Variants in ST6GALNAC3 observed in about 807,000 individuals in gnomAD.
The protein encoded by ST6GALNAC3 is ST6 N-acetylgalactosaminide alpha-2,6-sialyltransferase 3, also known as alpha-N-acetylgalactosaminide alpha-2,6-sialyltransferase 3.
ST6GALNAC3 carries 25 observed loss-of-function variants against 32.7 expected under a neutral mutation model. That is an observed-to-expected ratio of 0.76 (90% CI 0.56 to 1.07). ST6GALNAC3 has a LOEUF of 1.07. Among genes scored for constraint, ST6GALNAC3 ranks in the 50% least tolerant of loss-of-function variants. The probability of loss-of-function intolerance (pLI) is 0.00; values close to 1 mark genes in which losing one functional copy is unlikely to be tolerated. For synonymous variants in ST6GALNAC3, 129 were observed against 133.1 expected (o/e 0.97, Z 0.21); for missense variants, 355 against 382.4 (o/e 0.93, Z 0.60).
At chr1:76,381,182 A>G (rs1276282844) in intron 2 of ST6GALNAC3, among the ~76,000 whole-genome samples, 5 of 133,108 alleles carry the variant, frequency 3.8e-5, no homozygotes, top group South Asian at 2.3e-4. Context: ...AAAAAAAAAA[A>G]AAAAGAAAAA....
At chr1:76,484,580 G>A (rs550382557) in intron 3 of ST6GALNAC3, among the ~76,000 whole-genome samples, 1 of 152,320 alleles carries the variant, frequency 6.6e-6, no homozygotes, top group East Asian at 1.9e-4. Context: ...TTTGTATCCT[G>A]AGACTTTGCT....
At chr1:76,617,825 G>T (rs619283) in intron 3 of ST6GALNAC3, among the ~76,000 whole-genome samples, 129,895 of 152,140 alleles carry the variant, frequency 0.85, 56,490 homozygotes, top group East Asian at 1. Context: ...TATAAACTAA[G>T]CACTGAAAGA....
intron 1 of ST6GALNAC3, among the ~76,000 whole-genome samples, chr1:76,080,199 A>G (rs1179084349): frequency 6.6e-6 from 1 of 152,202 alleles, no homozygotes; most frequent in Non-Finnish European, 1.5e-5. Context: ...AAAGGCAGAA[A>G]AGGCTTTGTT....
intron 1 of ST6GALNAC3, among the ~76,000 whole-genome samples, chr1:76,225,329 A>T (rs1656004365): frequency 6.6e-6 from 1 of 152,216 alleles, no homozygotes; most frequent in African/African-American, 2.4e-5. Context: ...GAAACCTGTG[A>T]CTTTAGCTTA....
intron 2 of ST6GALNAC3, among the ~76,000 whole-genome samples, chr1:76,381,047 T>G (rs1651664162): frequency 6.6e-6 from 1 of 152,006 alleles, no homozygotes; most frequent in African/African-American, 2.4e-5. Context: ...TACCATCTGT[T>G]TATCTATCTA....
chr1:76,259,731 A>T (rs929952641), intron 1 of ST6GALNAC3, among the ~76,000 whole-genome samples: 19 of 152,162 alleles, frequency 1.2e-4, no homozygotes, highest in African/African-American at 4.3e-4. Flanking sequence ...TGCTGAGTAC[A>T]CATACTCTGA....
chr1:76,288,791 G>T (rs1191335450), intron 1 of ST6GALNAC3, among the ~76,000 whole-genome samples: 1 of 152,170 alleles, frequency 6.6e-6, no homozygotes, highest in Non-Finnish European at 1.5e-5. Context: ...CACAGGTGAT[G>T]GTCAGAGTCA....
chr1:76,259,436 C>T (rs1221920661), intron 1 of ST6GALNAC3, among the ~76,000 whole-genome samples: 1 of 152,130 alleles, frequency 6.6e-6, no homozygotes, highest in Non-Finnish European at 1.5e-5. Flanking sequence ...ATATCTATCA[C>T]ATGCAGTGTT....
intron 1 of ST6GALNAC3, among the ~76,000 whole-genome samples, chr1:76,117,895 A>G (rs1223217880): frequency 1.3e-5 from 2 of 152,210 alleles, no homozygotes; most frequent in East Asian, 1.9e-4. Flanking sequence ...TTTCCTGTTG[A>G]TAAAATGAGG....
At chr1:76,228,118 G>A (rs1415526209) in intron 1 of ST6GALNAC3, among the ~76,000 whole-genome samples, 5 of 152,284 alleles carry the variant, frequency 3.3e-5, no homozygotes, top group East Asian at 1.9e-4. Flanking sequence ...AGGAAAATAC[G>A]TCTGCTCTAG....
chr1:76,216,134 T>A (rs1404948308), intron 1 of ST6GALNAC3, among the ~76,000 whole-genome samples: 1 of 152,172 alleles, frequency 6.6e-6, no homozygotes, highest in Non-Finnish European at 1.5e-5. Flanking sequence ...TTGCTGTTCT[T>A]CTTGGTTGAA....
chr1:76,441,621 A>G (rs1656613275), intron 3 of ST6GALNAC3, among the ~76,000 whole-genome samples: 1 of 152,214 alleles, frequency 6.6e-6, no homozygotes, highest in South Asian at 2.1e-4. Flanking sequence ...TGTGTTACAA[A>G]CAATCCAATT....
At chr1:76,557,621 G>A (rs1024802742) in intron 3 of ST6GALNAC3, among the ~76,000 whole-genome samples, 8 of 152,030 alleles carry the variant, frequency 5.3e-5, no homozygotes, top group African/African-American at 1.7e-4. Context: ...ATAAATATGA[G>A]TCTAAGAAAG....
intron 3 of ST6GALNAC3, among the ~76,000 whole-genome samples, chr1:76,536,888 G>A (rs1161610133): frequency 6.6e-6 from 1 of 152,098 alleles, no homozygotes; most frequent in African/African-American, 2.4e-5. Context: ...ACTAAATAGT[G>A]GGAGACTTTT....
intron 3 of ST6GALNAC3, among the ~76,000 whole-genome samples, chr1:76,548,958 A>G (rs1166559873): frequency 6.6e-6 from 1 of 152,142 alleles, no homozygotes; most frequent in African/African-American, 2.4e-5. Context: ...CTTAATAAAC[A>G]TGGTTTGATT....
At chr1:76,377,075 C>T (rs1012143407) in intron 2 of ST6GALNAC3, among the ~76,000 whole-genome samples, 3 of 152,088 alleles carry the variant, frequency 2.0e-5, no homozygotes, top group Admixed American at 1.3e-4. Context: ...TGTATACCTA[C>T]TTAAAACAAA....
intron 2 of ST6GALNAC3, among the ~76,000 whole-genome samples, chr1:76,406,429 CA>C (rs1338068426): frequency 6.6e-6 from 1 of 151,942 alleles, no homozygotes; most frequent in African/African-American, 2.4e-5. Flanking sequence ...GTTTGAAAAG[CA>C]AATTGAGTAA....
rs144633706 is a variant in ST6GALNAC3, at chr1:76,381,370, C to T, written c.214-30638C>T. 8.0e-4 allele frequency among the ~76,000 whole-genome samples: 122 copies of T among 151,976 alleles called. 1 individual carries two copies. The highest frequency in any genetic ancestry group is 2.5e-3 in the South Asian group (12 of 4,812). ...TTTGGAGTCTGGAGTGAGGACTCCT[C>T]GGAATATGACACTTAAAGAAGCCCC... is the stretch of plus-strand genomic sequence containing the variant. On this transcript the variant is annotated intron_variant, in intron 2 of 4. Transcript: ENST00000328299.
intron 3 of ST6GALNAC3, chr1:76,577,349 T>G: frequency 1.0e-6 from 1 of 985,974 alleles, no homozygotes. Flanking sequence ...AAGGTAACCT[T>G]TACCAAGAGC....
Sources: gnomAD v4.1 joint callset for allele counts (sites outside exome capture counted in the v4.1 genomes callset) on GRCh38, gnomAD v4.1.1 for gene constraint, MANE v1.5 for transcripts, NCBI Gene and HGNC (gene_info 2026-07-23, HGNC 2026-07-21) for gene names.